Variants in PEX1 observed in about 807,000 individuals in gnomAD.
PEX1 encodes the protein peroxisomal biogenesis factor 1.
In PEX1, 97 loss-of-function variants were observed where a neutral mutation model predicts 152.5. The ratio of observed to expected loss-of-function variants is 0.64; its 90% CI spans 0.54 to 0.75. PEX1 has a LOEUF of 0.75. Ranked by LOEUF, PEX1 falls within the 30% of genes least tolerant of loss-of-function variation. PEX1 has a pLI of 0.00. For synonymous variants in PEX1, 485 were observed against 531.6 expected (o/e 0.91, Z 1.21); for missense variants, 1,357 against 1,516.3 (o/e 0.89, Z 1.74).
chr7:92,506,103 C>CAAAAGACTTAAAATTT, intron 11 of PEX1, 145 bp downstream of exon 11: 5 of 34,726 alleles, frequency 1.4e-4, no homozygotes, highest in South Asian at 3.9e-4. Flanking sequence ...CATTAGAAAG[C>CAAAAGACTTAAAATTT]CAAAGAAATT....
Position 92,511,980 on chromosome 7 carries a change from T to C in PEX1, c.1360-277A>G, listed in dbSNP as rs117988725. On this transcript the variant is annotated intron_variant, in intron 6 of 23. Transcript: ENST00000248633. Reference sequence around the variant, plus strand: ...ATCTACCATAATGTGGCTCACTCAATAACCATTCCAACCCCATTCTCCCTT... The same window carrying C: ...ATCTACCATAATGTGGCTCACTCAACAACCATTCCAACCCCATTCTCCCTT... Among the ~76,000 whole-genome samples the C allele has an allele frequency of 2.9e-3, 439 of 152,330 alleles. 1 individual carries two copies. Among genetic ancestry groups the C allele is most frequent in the Non-Finnish European group, 5.0e-3 (341 of 68,030 alleles).
Position 92,487,408 on chromosome 7 carries a change from GA to G in PEX1, c.*48del. ...CATTTTTTTCCTGTTACAACATATG[GA>G]AAAGCCATCAAAAAACTTAACAGAA... On this transcript the variant is annotated 3_prime_UTR_variant, in exon 24 of 24. Coordinates refer to ENST00000248633, the MANE Select transcript of PEX1 (RefSeq NM_000466.3). 2 of 958,910 alleles carry G rather than the reference GA, an allele frequency of 2.1e-6. No homozygotes were observed. The highest frequency in any genetic ancestry group is 3.9e-5 in the Admixed American group (2 of 51,392). The allele number at this position is 958,910 out of a possible 1,614,324, so 59.4% of individuals were successfully genotyped here. A position where few individuals can be genotyped will look rare whatever the true frequency, so the allele number is the denominator to read the frequency against.
Position 92,491,429 on chromosome 7 carries a change from T to C in PEX1, c.3281A>G (p.Asp1094Gly), listed in dbSNP as rs539784253. ...ACATTCTCCATCTCCAGCTGAATCG[T>C]CAGAGCCACTGCTATGGTTAAGAAA... is the stretch of plus-strand genomic sequence containing the variant. ...MVFLNHSSGS[D>G]DSAGDGECGL... Residue 1094 changes from aspartate (D) to glycine (G), a missense_variant, in exon 21 of 24, where the codon GAC becomes GGC. Coordinates refer to ENST00000248633, the MANE Select transcript of PEX1 (RefSeq NM_000466.3). 2.7e-5 allele frequency: 44 copies of C among 1,613,946 alleles called. No individual in the cohort carries two copies. The African/African-American group carries it at 5.1e-4, about 19-fold the overall frequency.
intron 5 of PEX1, among the ~76,000 whole-genome samples, chr7:92,515,750 T>C (rs932173500): frequency 1.6e-4 from 25 of 152,196 alleles, no homozygotes; most frequent in East Asian, 9.7e-4. Context: ...TCCCAGCACC[T>C]TGGGAGACTG....
intron 19 of PEX1, 185 bp from the exon 20 acceptor site, chr7:92,493,314 A>G (rs1396392202): frequency 2.4e-6 from 1 of 422,652 alleles, no homozygotes; most frequent in Non-Finnish European, 4.1e-6. Flanking sequence ...AACAGAAATA[A>G]TATATATAGG....
intron 8 of PEX1, among the ~76,000 whole-genome samples, chr7:92,510,220 C>T (rs1374885157): frequency 6.6e-6 from 1 of 150,766 alleles, no homozygotes; most frequent in African/African-American, 2.4e-5. Context: ...AATCCCACAA[C>T]TTTGGGTGGG....
intron 2 of PEX1, among the ~76,000 whole-genome samples, chr7:92,519,779 A>C (rs1028800469): frequency 1.3e-5 from 2 of 152,234 alleles, no homozygotes; most frequent in African/African-American, 4.8e-5. Flanking sequence ...TTATAGTTTA[A>C]ATATATGTAA....
Position 92,489,330 on chromosome 7 carries a change from AT to A in PEX1, c.3729del (p.Ser1244ProfsTer37), listed in dbSNP as rs746001220. ...TTCTTCCAGTCATCTTCACTAATGG[AT>A]GGTCTTGTGTGACCAAGTGCAGTCA... ...HLMTALGHTRPSISEDDWKNF... is the reference protein window; with the variant it reads ...HLMTALGHTRXSISEDDWKNF... On this transcript the variant is annotated frameshift_variant, in exon 23 of 24. Transcript: ENST00000248633. LOFTEE classifies it high-confidence loss of function. The A allele has an allele frequency of 1.2e-6, 2 of 1,613,488 alleles. No homozygotes were observed. Among genetic ancestry groups the A allele is most frequent in the Non-Finnish European group, 1.7e-6 (2 of 1,179,544 alleles).
At position 92,491,327 on chromosome 7, in the gene PEX1, A is replaced by T. The variant is rs747206901; in HGVS notation, c.3383T>A (p.Leu1128His). The part of the protein sequence containing the change: ...PDESKFNMYR[L>H]YFGSSYESEL... ...TGATTCATAAGAGCTTCCAAAGTAG[A>T]GCCGGTACATATTGAATTTTGATTC... The change falls in exon 21 of 24, where the codon CTC becomes CAC. Residue 1128 changes from leucine (L) to histidine (H), a missense_variant. Physicochemically the swap from Leu to His is moderately conservative, Grantham distance 99 (BLOSUM62 -3). Coordinates refer to ENST00000248633, the MANE Select transcript of PEX1 (RefSeq NM_000466.3). 1.9e-6 allele frequency: 3 copies of T among 1,613,962 alleles called. No individual in the cohort carries two copies. Among genetic ancestry groups the T allele is most frequent in the African/African-American group, 1.3e-5 (1 of 74,932 alleles).
At chr7:92,492,570 T>C (rs1405200400) in intron 20 of PEX1, among the ~76,000 whole-genome samples, 2 of 152,236 alleles carry the variant, frequency 1.3e-5, no homozygotes, top group African/African-American at 2.4e-5. Context: ...ATTGGCCAGA[T>C]TGGAACAATG....
At chr7:92,527,385 C>A (rs1793323054) in intron 1 of PEX1, among the ~76,000 whole-genome samples, 2 of 152,146 alleles carry the variant, frequency 1.3e-5, no homozygotes, top group South Asian at 4.1e-4. Context: ...CCATCAAAAA[C>A]CAAAAGATTG....
At chr7:92,504,399 TC>T (rs1417542812) in intron 12 of PEX1, among the ~76,000 whole-genome samples, 1 of 152,094 alleles carries the variant, frequency 6.6e-6, no homozygotes, top group African/African-American at 2.4e-5. Context: ...CTTCTTTTTC[TC>T]CTAGAATTTG....
At chr7:92,505,570 T>A (rs1276277792) in intron 11 of PEX1, among the ~76,000 whole-genome samples, 3 of 152,138 alleles carry the variant, frequency 2.0e-5, no homozygotes, top group Admixed American at 1.3e-4. Flanking sequence ...GAGTAAGGGA[T>A]CAAGATTCAT....
intron 2 of PEX1, 67 bp downstream of exon 2, chr7:92,522,035 T>C (rs949560625): frequency 6.5e-7 from 1 of 1,532,030 alleles, no homozygotes; most frequent in Non-Finnish European, 9.0e-7. Context: ...ATCTAAACTT[T>C]TAATTTTATT....
At position 92,492,962 on chromosome 7, in the gene PEX1, A is replaced by G. The variant is rs150190899; in HGVS notation, c.3198T>C (p.Ser1066=). The G allele has an allele frequency of 2.5e-5, 40 of 1,613,166 alleles. No homozygotes were observed. In the African/African-American group the frequency reaches 2.8e-4, roughly 11 times the overall value. The change falls in exon 20 of 24, where the codon AGT becomes AGC. Residue 1066 remains serine (S), a synonymous_variant. Transcript: ENST00000248633. ...LEALHGMLLS[S]GLQDGSSSSD... Reference sequence around the variant, plus strand: ...TCCTCATATAACTTGCCTGGAGTCCACTCGAGAGCAGCATTCCATGTAAGG... The same window carrying G: ...TCCTCATATAACTTGCCTGGAGTCCGCTCGAGAGCAGCATTCCATGTAAGG...
chr7:92,504,583 G>C, intron 12 of PEX1, 149 bp downstream of exon 12: 1 of 797,018 alleles, frequency 1.3e-6, no homozygotes, highest in Non-Finnish European at 2.1e-6. Flanking sequence ...ACAGTCTATA[G>C]GACAACTGTA....
At chr7:92,511,546 T>C (rs1474948778) in intron 7 of PEX1, 34 bp downstream of exon 7, 4 of 1,553,108 alleles carry the variant, frequency 2.6e-6, no homozygotes, top group East Asian at 2.3e-5. Flanking sequence ...ACTATTTAAA[T>C]AGAAAAAAAA....
chr7:92,515,566 A>G (rs1779910712), intron 5 of PEX1, among the ~76,000 whole-genome samples: 1 of 152,216 alleles, frequency 6.6e-6, no homozygotes, highest in African/African-American at 2.4e-5. Context: ...TGTTCTCACC[A>G]TATAATTTCA....
intron 12 of PEX1, among the ~76,000 whole-genome samples, chr7:92,503,582 T>C (rs974345900): frequency 3.3e-5 from 5 of 152,230 alleles, no homozygotes; most frequent in Non-Finnish European, 7.3e-5. Flanking sequence ...CATATTCCTA[T>C]GACTTCCAGA....
Sources: gnomAD v4.1 joint callset for allele counts (sites outside exome capture counted in the v4.1 genomes callset) on GRCh38, gnomAD v4.1.1 for gene constraint, MANE v1.5 for transcripts, NCBI Gene and HGNC (gene_info 2026-07-23, HGNC 2026-07-21) for gene names.